COP1: variants seen among roughly 807,000 people sequenced by gnomAD.
The protein encoded by COP1 is COP1 E3 ubiquitin ligase.
A neutral mutation model predicts 101.3 loss-of-function variants in COP1; 24 were observed. The ratio of observed to expected loss-of-function variants is 0.24; its 90% CI spans 0.17 to 0.33. The LOEUF is 0.33. Among genes scored for constraint, COP1 ranks in the 10% least tolerant of loss-of-function variants. COP1 has a pLI of 1.00. For synonymous variants in COP1, 347 were observed against 341.9 expected (o/e 1.01, Z -0.17); for missense variants, 663 against 906.2 (o/e 0.73, Z 3.45).
chr1:175,987,184 C>T (rs1304692616), intron 17 of COP1, 81 bp from the exon 18 acceptor site: 10 of 705,980 alleles, frequency 1.4e-5, no homozygotes, highest in Non-Finnish European at 2.0e-5. Flanking sequence ...TAATTATCAG[C>T]CAAAGTTATA....
chr1:176,175,365 C>G (rs1425359388), intron 3 of COP1, among the ~76,000 whole-genome samples: 3 of 152,144 alleles, frequency 2.0e-5, no homozygotes, highest in African/African-American at 7.2e-5. Flanking sequence ...CTTTTTGGGA[C>G]CAGGGACTGG....
chr1:176,017,779 C>T (rs1665934751), intron 15 of COP1, among the ~76,000 whole-genome samples: 1 of 152,174 alleles, frequency 6.6e-6, no homozygotes, highest in African/African-American at 2.4e-5. Flanking sequence ...CCCACCTCGG[C>T]CTCCCAAAGT....
intron 18 of COP1, among the ~76,000 whole-genome samples, chr1:175,960,533 A>G (rs1033961643): frequency 2.6e-5 from 4 of 152,164 alleles, no homozygotes; most frequent in African/African-American, 9.6e-5. Context: ...ACAGAAGACT[A>G]TTATGGAGGC....
At chr1:176,114,094 AAGG>A (rs1238011760) in intron 9 of COP1, among the ~76,000 whole-genome samples, 1 of 152,120 alleles carries the variant, frequency 6.6e-6, no homozygotes, top group Non-Finnish European at 1.5e-5. Context: ...TTATATTCAG[AAGG>A]AGAACATAAA....
Position 176,082,038 on chromosome 1 carries a change from T to C in COP1, c.1142-751A>G, listed in dbSNP as rs982609480. Among the ~76,000 whole-genome samples the C allele has an allele frequency of 5.3e-5, 8 of 152,300 alleles. No homozygotes were observed. In the East Asian group the frequency reaches 7.7e-4, roughly 15 times the overall value. On this transcript the variant is annotated intron_variant, in intron 10 of 19. Coordinates refer to ENST00000367669, the MANE Select transcript of COP1 (RefSeq NM_022457.7). ...GATAAATCATGTGGAATTTAAAACATAGTATCAGTTTACGAAGTACCTGAG... is the reference window on the plus strand; with the variant it reads ...GATAAATCATGTGGAATTTAAAACACAGTATCAGTTTACGAAGTACCTGAG...
At chr1:176,082,290 C>T (rs533025832) in intron 10 of COP1, among the ~76,000 whole-genome samples, 1 of 152,174 alleles carries the variant, frequency 6.6e-6, no homozygotes, top group Non-Finnish European at 1.5e-5. Context: ...TACATACACA[C>T]ACACACAACT....
intron 18 of COP1, among the ~76,000 whole-genome samples, chr1:175,951,841 T>C (rs911826987): frequency 4.0e-5 from 6 of 151,292 alleles, no homozygotes; most frequent in Non-Finnish European, 5.9e-5. Flanking sequence ...AAATGTATAA[T>C]TGGAGTCCCA....
intron 11 of COP1, among the ~76,000 whole-genome samples, chr1:176,071,919 A>G (rs920982893): frequency 4.6e-5 from 7 of 152,234 alleles, no homozygotes; most frequent in Non-Finnish European, 7.3e-5. Flanking sequence ...TAATAAAGGC[A>G]AGGGAAAATA....
intron 18 of COP1, among the ~76,000 whole-genome samples, chr1:175,957,990 A>G (rs528148489): frequency 6.6e-6 from 1 of 152,244 alleles, no homozygotes; most frequent in East Asian, 1.9e-4. Flanking sequence ...ATGATAACAT[A>G]AAGTGGATTA....
chr1:176,192,063 G>T (rs1330176870), intron 1 of COP1, among the ~76,000 whole-genome samples: 5 of 152,078 alleles, frequency 3.3e-5, no homozygotes, highest in Non-Finnish European at 7.4e-5. Flanking sequence ...ACAAGTAATA[G>T]CCATGAAAAG....
chr1:176,188,858 CAG>C (rs1491154336), intron 1 of COP1, among the ~76,000 whole-genome samples: 31 of 151,444 alleles, frequency 2.0e-4, no homozygotes, highest in South Asian at 4.2e-4. Flanking sequence ...CACACACACA[CAG>C]ACAGAGAACA....
chr1:176,002,005 T>C (rs1257749215), intron 15 of COP1, among the ~76,000 whole-genome samples: 1 of 152,094 alleles, frequency 6.6e-6, no homozygotes, highest in Non-Finnish European at 1.5e-5. Flanking sequence ...GCTGAGCAAC[T>C]TTTTGATTGC....
At chr1:175,976,292 T>TTTTTTTTTTTTTTTTTTC (rs1654558534) in intron 18 of COP1, among the ~76,000 whole-genome samples, 1 of 141,020 alleles carries the variant, frequency 7.1e-6, no homozygotes. Flanking sequence ...TTTTTTTTTT[T>TTTTTTTTTTTTTTTTTTC]TTTTAGACAG....
intron 11 of COP1, among the ~76,000 whole-genome samples, chr1:176,078,197 A>G (rs536274284): frequency 6.6e-6 from 1 of 152,318 alleles, no homozygotes; most frequent in Non-Finnish European, 1.5e-5. Flanking sequence ...AGCAGTCCTA[A>G]GCAAAATGAA....
chr1:176,057,955 T>C (rs1673928625), intron 11 of COP1, among the ~76,000 whole-genome samples: 3 of 150,872 alleles, frequency 2.0e-5, no homozygotes, highest in Admixed American at 2.0e-4. Flanking sequence ...CCGCCCCTTC[T>C]GGGATATGAG....
intron 18 of COP1, among the ~76,000 whole-genome samples, chr1:175,951,021 G>A (rs945890605): frequency 6.6e-5 from 10 of 152,112 alleles, no homozygotes; most frequent in Admixed American, 2.0e-4. Context: ...CAAGGCAGGC[G>A]GATCACCTGA....
At chr1:176,032,617 T>C (rs960263565) in intron 14 of COP1, among the ~76,000 whole-genome samples, 6 of 152,094 alleles carry the variant, frequency 3.9e-5, no homozygotes, top group Admixed American at 6.6e-5. Flanking sequence ...AACATGACTT[T>C]TGGCATAAGG....
intron 1 of COP1, among the ~76,000 whole-genome samples, chr1:176,200,134 G>T (rs1199135392): frequency 1.3e-5 from 2 of 152,044 alleles, no homozygotes; most frequent in African/African-American, 4.8e-5. Context: ...CTACAAAATG[G>T]GAACTATAAG....
intron 11 of COP1, among the ~76,000 whole-genome samples, chr1:176,065,381 A>T (rs987227298): frequency 3.9e-5 from 6 of 152,232 alleles, no homozygotes; most frequent in Admixed American, 6.5e-5. Context: ...GAAGCAATAT[A>T]TGGGGAAGTT....
Sources: allele counts gnomAD v4.1 joint callset (sites outside exome capture counted in the v4.1 genomes callset), GRCh38; gene constraint gnomAD v4.1.1; transcripts MANE v1.5; gene names NCBI Gene and HGNC (gene_info 2026-07-23, HGNC 2026-07-21).